CES1: variants seen among roughly 807,000 people sequenced by gnomAD.
CES1 encodes the protein liver carboxylesterase 1.
In CES1, 50 loss-of-function variants were observed where a neutral mutation model predicts 53.0. That is an observed-to-expected ratio of 0.94 (90% confidence interval 0.75 to 1.19). CES1 has a LOEUF of 1.19. Among genes scored for constraint, CES1 ranks in the 50% most tolerant of loss-of-function variants. The pLI is 0.00. For missense variants in CES1, 534 were observed against 538.0 expected (o/e 0.99, Z 0.07); for synonymous variants, 202 against 210.1 (o/e 0.96, Z 0.33).
chr16:55,830,431 C>A (rs1409408172), intron 1 of CES1, among the ~76,000 whole-genome samples: 1 of 151,932 alleles, frequency 6.6e-6, no homozygotes, highest in Non-Finnish European at 1.5e-5. Flanking sequence ...GAAATCCTCC[C>A]CCCCATCTTA....
At chr16:55,821,667 A>G (rs2032204212) in intron 4 of CES1, 146 bp from the exon 5 acceptor site, 1 of 856,096 alleles carries the variant, frequency 1.2e-6, no homozygotes, top group Non-Finnish European at 1.9e-6. Context: ...TCATTAGTAC[A>G]GCATTGTGGT....
intron 1 of CES1, 81 bp from the exon 2 acceptor site, chr16:55,829,055 G>A: frequency 6.9e-7 from 1 of 1,457,304 alleles, no homozygotes. Context: ...CGCTTTCTAA[G>A]TGAGTGACCT....
intron 1 of CES1, among the ~76,000 whole-genome samples, chr16:55,831,898 G>T (rs1215867380): frequency 7.9e-5 from 12 of 151,402 alleles, no homozygotes; most frequent in African/African-American, 2.4e-4. Context: ...TGGCATGGGG[G>T]TATTTCGAGG....
intron 5 of CES1, 78 bp downstream of exon 5, chr16:55,821,290 C>T (rs2032178894): frequency 6.4e-7 from 1 of 1,554,090 alleles, no homozygotes; most frequent in Non-Finnish European, 8.9e-7. Flanking sequence ...GTATCCATAG[C>T]TGGATTGACA....
At chr16:55,827,587 T>A (rs1378732249) in intron 2 of CES1, among the ~76,000 whole-genome samples, 2 of 152,122 alleles carry the variant, frequency 1.3e-5, no homozygotes, top group African/African-American at 4.8e-5. Context: ...CCTAAACTAT[T>A]CATGAATGTG....
chr16:55,822,098 A>T (rs552837435), intron 4 of CES1, among the ~76,000 whole-genome samples: 1 of 152,360 alleles, frequency 6.6e-6, no homozygotes, highest in African/African-American at 2.4e-5. Context: ...GGGCCCAGTG[A>T]AAGAAAGTGT....
intron 8 of CES1, among the ~76,000 whole-genome samples, chr16:55,813,659 T>C (rs1412482974): frequency 6.6e-6 from 1 of 152,188 alleles, no homozygotes; most frequent in Non-Finnish European, 1.5e-5. Flanking sequence ...CAACACCAAA[T>C]GCACGGCCAG....
chr16:55,813,071 G>A (rs1351088710), intron 8 of CES1, 28 bp from the exon 9 acceptor site: 3 of 1,613,364 alleles, frequency 1.9e-6, no homozygotes, highest in African/African-American at 1.3e-5. Context: ...CAGCACCTGT[G>A]ATTCCCTCCC....
At chr16:55,817,728 G>A (rs2032004208) in intron 7 of CES1, among the ~76,000 whole-genome samples, 2 of 152,022 alleles carry the variant, frequency 1.3e-5, no homozygotes, top group South Asian at 4.2e-4. Context: ...CTGTGTGTGT[G>A]TGTCTGTATG....
chr16:55,820,783 G>A (rs778724436), intron 5 of CES1, among the ~76,000 whole-genome samples: 22 of 151,726 alleles, frequency 1.4e-4, no homozygotes, highest in Non-Finnish European at 2.5e-4. Context: ...CTCCCTATCC[G>A]CGGCTCCATC....
chr16:55,832,018 C>A (rs12918051), intron 1 of CES1, among the ~76,000 whole-genome samples: 17,959 of 131,726 alleles, frequency 0.14, 1 homozygote, highest in East Asian at 0.17. Context: ...GGTCCAGCCA[C>A]CCCAGAGCCC....
chr16:55,819,612 T>G lies in CES1; in HGVS notation c.829A>C (p.Thr277Pro), dbSNP rs758995248. The change falls in exon 7 of 14, where the codon ACC becomes CCC. Residue 277 changes from threonine to proline, a missense_variant. This residue lies in a region of CES1 where 269 missense variants were observed against 206.6 expected (regional missense o/e 1.30). Coordinates refer to ENST00000360526, the MANE Select transcript of CES1 (RefSeq NM_001025195.2). ...TGAACCATGACAGCAGAGGTGGTGG[T>G]TTTGCACCCAGCAGTGATAGCAATT... ...EQIAITAGCKTTTSAVMVHCL... is the reference protein window; with the variant it reads ...EQIAITAGCKPTTSAVMVHCL... The G allele has an allele frequency of 3.1e-6, 5 of 1,614,014 alleles. No homozygotes were observed. The Admixed American group carries it at 8.3e-5, about 27-fold the overall frequency.
intron 1 of CES1, 93 bp from the exon 2 acceptor site, chr16:55,829,067 A>T (rs1343514462): frequency 2.2e-6 from 3 of 1,373,750 alleles, no homozygotes; most frequent in African/African-American, 2.9e-5. Flanking sequence ...GAGTGACCTT[A>T]AATAAGTCAC....
chr16:55,820,851 C>G (rs74019277), intron 5 of CES1, among the ~76,000 whole-genome samples: 15 of 152,212 alleles, frequency 9.9e-5, no homozygotes, highest in African/African-American at 3.6e-4. Context: ...CAAAGACTGT[C>G]GCCTCCTTCT....
intron 4 of CES1, among the ~76,000 whole-genome samples, chr16:55,822,559 C>A (rs1423446087): frequency 6.6e-6 from 1 of 152,036 alleles, no homozygotes; most frequent in Non-Finnish European, 1.5e-5. Flanking sequence ...CAACTTGTCC[C>A]TGGGAAGAGT....
intron 1 of CES1, among the ~76,000 whole-genome samples, chr16:55,832,736 C>G (rs754816532): frequency 1.4e-4 from 21 of 152,236 alleles, no homozygotes; most frequent in Non-Finnish European, 2.9e-4. Context: ...CTAAATTTCT[C>G]GTGTGTGCGG....
At chr16:55,827,605 G>C (rs2032470508) in intron 2 of CES1, among the ~76,000 whole-genome samples, 1 of 151,954 alleles carries the variant, frequency 6.6e-6, no homozygotes, top group Admixed American at 6.6e-5. Context: ...GTGCATAAAT[G>C]TTTCACATTC....
At chr16:55,830,773 A>ATAAG (rs2032611917) in intron 1 of CES1, among the ~76,000 whole-genome samples, 1 of 76,958 alleles carries the variant, frequency 1.3e-5, no homozygotes, top group African/African-American at 5.2e-5. Flanking sequence ...AAGGAAGGAA[A>ATAAG]GAAGGAAGGA....
chr16:55,830,434 C>T (rs1207379451), intron 1 of CES1, among the ~76,000 whole-genome samples: 3 of 151,978 alleles, frequency 2.0e-5, no homozygotes, highest in Admixed American at 1.3e-4. Flanking sequence ...ATCCTCCCCC[C>T]CATCTTAATT....
Sources: gnomAD v4.1 joint callset for allele counts (sites outside exome capture counted in the v4.1 genomes callset) on GRCh38, gnomAD v4.1.1 for gene constraint, gnomAD v4.1.1 regional missense constraint, MANE v1.5 for transcripts, NCBI Gene and HGNC (gene_info 2026-07-23, HGNC 2026-07-21) for gene names.